KCND2: variants seen among roughly 807,000 people sequenced by gnomAD.
The protein encoded by KCND2 is potassium voltage-gated channel subfamily D member 2.
KCND2 carries 16 observed loss-of-function variants against 54.4 expected under a neutral mutation model. The ratio of observed to expected loss-of-function variants is 0.29; its 90% CI spans 0.20 to 0.45. The LOEUF (loss-of-function observed/expected upper bound fraction) is 0.45, where lower values mean the gene tolerates loss of function less well. Ranked by LOEUF, KCND2 falls within the 20% of genes least tolerant of loss-of-function variation. The pLI is 1.00. For missense variants in KCND2, 486 were observed against 824.2 expected (o/e 0.59, Z 5.02); for synonymous variants, 317 against 310.7 (o/e 1.02, Z -0.21).
chr7:120,639,941 G>A (rs971277609), intron 1 of KCND2, among the ~76,000 whole-genome samples: 1 of 151,886 alleles, frequency 6.6e-6, no homozygotes, highest in Non-Finnish European at 1.5e-5. Flanking sequence ...CTGAAAAATA[G>A]GAGGAAAGGA....
intron 1 of KCND2, among the ~76,000 whole-genome samples, chr7:120,534,769 T>C (rs1278826373): frequency 2.0e-5 from 3 of 152,044 alleles, no homozygotes; most frequent in East Asian, 3.9e-4. Flanking sequence ...AAATCTACTC[T>C]CAAATAAAAA....
At chr7:120,716,312 GTTTAA>G (rs1792602280) in intron 1 of KCND2, among the ~76,000 whole-genome samples, 2 of 150,660 alleles carry the variant, frequency 1.3e-5, no homozygotes, top group South Asian at 2.1e-4. Context: ...ATTTCATAGA[GTTTAA>G]TTTAAGAAAA....
At chr7:120,607,388 T>C (rs1023071110) in intron 1 of KCND2, among the ~76,000 whole-genome samples, 1 of 152,168 alleles carries the variant, frequency 6.6e-6, no homozygotes, top group African/African-American at 2.4e-5. Context: ...ATATTAAATA[T>C]TCATGGACAT....
chr7:120,642,484 C>A (rs2116532527), intron 1 of KCND2, among the ~76,000 whole-genome samples: 1 of 151,212 alleles, frequency 6.6e-6, no homozygotes, highest in East Asian at 1.9e-4. Context: ...ATCACTTGAA[C>A]CCGGGAGGTG....
At chr7:120,462,336 G>A (rs117760066) in intron 1 of KCND2, among the ~76,000 whole-genome samples, 4,051 of 151,872 alleles carry the variant, frequency 0.027, 84 homozygotes, top group Non-Finnish European at 0.045. Context: ...TAAAAATTGA[G>A]TATCATCCTT....
intron 1 of KCND2, among the ~76,000 whole-genome samples, chr7:120,346,045 T>G (rs1438021340): frequency 6.6e-6 from 1 of 152,226 alleles, no homozygotes; most frequent in African/African-American, 2.4e-5. Context: ...TCCTGATAGG[T>G]AAGATGATAT....
intron 1 of KCND2, among the ~76,000 whole-genome samples, chr7:120,690,936 G>A (rs1465037265): frequency 6.6e-6 from 1 of 152,198 alleles, no homozygotes; most frequent in African/African-American, 2.4e-5. Context: ...GTGGTAGGGA[G>A]CGCTGTGGAT....
At chr7:120,391,504 A>C (rs1006508885) in intron 1 of KCND2, among the ~76,000 whole-genome samples, 49 of 152,220 alleles carry the variant, frequency 3.2e-4, no homozygotes, top group Admixed American at 3.2e-3. Flanking sequence ...TGTCTTCCAC[A>C]ATGGTTGAAC....
intron 1 of KCND2, among the ~76,000 whole-genome samples, chr7:120,495,386 A>T (rs778752520): frequency 6.6e-6 from 1 of 151,944 alleles, no homozygotes; most frequent in African/African-American, 2.4e-5. Flanking sequence ...CTCTTTGATG[A>T]GACTTACTTT....
At chr7:120,730,683 A>G (rs1792795566) in intron 1 of KCND2, among the ~76,000 whole-genome samples, 2 of 152,162 alleles carry the variant, frequency 1.3e-5, no homozygotes, top group Non-Finnish European at 2.9e-5. Flanking sequence ...ACCCACAAAC[A>G]CCAACAGGAA....
chr7:120,458,036 C>A (rs1285079544), intron 1 of KCND2, among the ~76,000 whole-genome samples: 1 of 152,078 alleles, frequency 6.6e-6, no homozygotes, highest in East Asian at 1.9e-4. Context: ...AAGAGGAGAA[C>A]CCCTTATAAA....
chr7:120,520,956 G>A (rs546800691), intron 1 of KCND2, among the ~76,000 whole-genome samples: 5 of 152,118 alleles, frequency 3.3e-5, no homozygotes, highest in African/African-American at 9.7e-5. Context: ...AAAGAGAATG[G>A]AGAAAGTATA....
intron 1 of KCND2, among the ~76,000 whole-genome samples, chr7:120,450,081 A>G (rs1439615615): frequency 6.6e-6 from 1 of 152,224 alleles, no homozygotes; most frequent in Non-Finnish European, 1.5e-5. Flanking sequence ...AGTAGCACTC[A>G]TTCTCTACCT....
chr7:120,277,648 T>C (rs1584707867), intron 1 of KCND2, among the ~76,000 whole-genome samples: 1 of 152,038 alleles, frequency 6.6e-6, no homozygotes, highest in East Asian at 1.9e-4. Context: ...CTAATAGTTC[T>C]ATACTAGACT....
chr7:120,645,926 C>A (rs575079754), intron 1 of KCND2, among the ~76,000 whole-genome samples: 10 of 152,312 alleles, frequency 6.6e-5, no homozygotes, highest in African/African-American at 2.4e-4. Flanking sequence ...GTCTCCCTCT[C>A]CTTTAATAAA....
Position 120,729,484 on chromosome 7 carries a change from C to T in KCND2, c.1116-3419C>T, listed in dbSNP as rs190004166. Among the ~76,000 whole-genome samples, 24 of 152,308 alleles carry T rather than the reference C, an allele frequency of 1.6e-4. No homozygotes were observed. The Middle Eastern group carries it at 0.01, about 65-fold the overall frequency. ...CATGGGAACCAGCCAAGGGCTCAGG[C>T]TGTCCTTACATGAGAAATTGCAGGA... On this transcript the variant is annotated intron_variant, in intron 1 of 5. Transcript: ENST00000331113.
intron 1 of KCND2, among the ~76,000 whole-genome samples, chr7:120,524,844 A>G (rs1217715272): frequency 1.3e-5 from 2 of 152,192 alleles, no homozygotes; most frequent in Non-Finnish European, 2.9e-5. Flanking sequence ...TCAAAGGAAA[A>G]TTAATAAAAT....
chr7:120,502,696 C>G (rs965556616), intron 1 of KCND2, among the ~76,000 whole-genome samples: 1 of 152,062 alleles, frequency 6.6e-6, no homozygotes, highest in African/African-American at 2.4e-5. Flanking sequence ...CTGCTAAACT[C>G]CAGCACCAAA....
chr7:120,481,910 G>A (rs142248068), intron 1 of KCND2, among the ~76,000 whole-genome samples: 1 of 152,296 alleles, frequency 6.6e-6, no homozygotes, highest in African/African-American at 2.4e-5. Flanking sequence ...TACAATGGCA[G>A]AGCCATCTCA....
Sources: allele counts gnomAD v4.1 joint callset (sites outside exome capture counted in the v4.1 genomes callset), GRCh38; gene constraint gnomAD v4.1.1; transcripts MANE v1.5; gene names NCBI Gene and HGNC (gene_info 2026-07-23, HGNC 2026-07-21).